Variants in SLC43A3 observed in about 807,000 individuals in gnomAD.
The protein encoded by SLC43A3 is equilibrative nucleobase transporter 1.
In SLC43A3, 33 loss-of-function variants were observed where a neutral mutation model predicts 53.3. The observed-to-expected ratio is 0.62, with a 90% CI of 0.47 to 0.83. The LOEUF is 0.83. Ranked by LOEUF, SLC43A3 falls within the 40% of genes least tolerant of loss-of-function variation. The probability of loss-of-function intolerance (pLI) is 0.00; values close to 1 mark genes in which losing one functional copy is unlikely to be tolerated. For synonymous variants in SLC43A3, 236 were observed against 246.2 expected (o/e 0.96, Z 0.39); for missense variants, 530 against 610.0 (o/e 0.87, Z 1.38).
Position 57,427,055 on chromosome 11 carries a change from G to T in SLC43A3, c.-246+7C>A, listed in dbSNP as rs982403539. ...CATGGCGCCCGAAAGGGGACCCTTC[G>T]CCCTACCCGCCTGCTCCGCGCCGGG... is the stretch of plus-strand genomic sequence containing the variant. On this transcript the variant is annotated splice_region_variant and intron_variant, in intron 1 of 13. Coordinates refer to ENST00000395124, the MANE Select transcript of SLC43A3 (RefSeq NM_199329.3). 1 of 152,310 alleles carries T rather than the reference G, an allele frequency of 6.6e-6. No individual in the cohort carries two copies. The highest frequency in any genetic ancestry group is 6.5e-5 in the Admixed American group (1 of 15,282). 9.4% of individuals were successfully genotyped at this position (152,310 alleles called of 1,614,324 possible).
chr11:57,414,735 C>T lies in SLC43A3; in HGVS notation c.944-4G>A, dbSNP rs755551154. 2 of 1,610,926 alleles carry T rather than the reference C, an allele frequency of 1.2e-6. No homozygotes were observed. Among genetic ancestry groups the T allele is most frequent in the Non-Finnish European group, 1.7e-6 (2 of 1,177,160 alleles). ...AAGGCATTTGTGTAGGTGCTGACTGCAGAAGGAAGAGAGAGGTTGGTTGAT... is the reference window on the plus strand; with the variant it reads ...AAGGCATTTGTGTAGGTGCTGACTGTAGAAGGAAGAGAGAGGTTGGTTGAT... On this transcript the variant is annotated splice_region_variant and splice_polypyrimidine_tract_variant and intron_variant, in intron 10 of 13. Transcript: ENST00000395124.
In SLC43A3 at chr11:57,416,680, C is replaced by G. The variant is rs1245285963; in HGVS notation, c.672-10G>C. The G allele has an allele frequency of 4.3e-6, 7 of 1,610,608 alleles. No homozygotes were observed. In the South Asian group the frequency reaches 7.7e-5, roughly 18 times the overall value. On this transcript the variant is annotated splice_polypyrimidine_tract_variant and intron_variant, in intron 8 of 13. Transcript: ENST00000395124. The stretch of plus-strand genomic sequence containing the variant: ...ATTCCCAGGGCACAGGCTATGGAAA[C>G]AAAAGCCCCACCAGCAAGGCCAAGG...
chr11:57,412,513 G>A lies in SLC43A3; in HGVS notation c.1060+2102C>T, dbSNP rs933430159. Among the ~76,000 whole-genome samples the A allele has an allele frequency of 9.2e-5, 14 of 152,278 alleles. No homozygotes were observed. The South Asian group carries it at 2.7e-3, about 29-fold the overall frequency. On this transcript the variant is annotated intron_variant, in intron 11 of 13. Transcript: ENST00000395124. ...AGAATTCTAGTGATTAAAAGTAGAA[G>A]ATAGAAATAGAAAATCATCCTTTTG...
Position 57,407,665 on chromosome 11 carries a change from T to TTGGGTG in SLC43A3, c.*126_*127insCACCCA. 1.8e-6 allele frequency: 1 copy of TTGGGTG among 565,596 alleles called. No homozygotes were observed. Among genetic ancestry groups the TTGGGTG allele is most frequent in the Non-Finnish European group, 3.2e-6 (1 of 310,630 alleles). 35.0% of individuals were successfully genotyped at this position (565,596 alleles called of 1,614,324 possible). On this transcript the variant is annotated 3_prime_UTR_variant, in exon 14 of 14. Transcript: ENST00000395124. ...GCAGACGTCCTTGTGTGTCTTTATT[T>TTGGGTG]TGTGTGTGTGTGTGTGTGTGTGTGT...
chr11:57,409,435 G>T, intron 12 of SLC43A3, 137 bp from the exon 13 acceptor site: 1 of 957,158 alleles, frequency 1.0e-6, no homozygotes, highest in Non-Finnish European at 1.5e-6. Flanking sequence ...CACCTGTCTG[G>T]CCTTTCCCTC....
intron 4 of SLC43A3, among the ~76,000 whole-genome samples, chr11:57,425,226 T>C (rs1943159251): frequency 6.6e-6 from 1 of 152,154 alleles, no homozygotes; most frequent in South Asian, 2.1e-4. Context: ...GCTAATTTTG[T>C]AACCCTGGCT....
rs1472631998 is a variant in SLC43A3, at chr11:57,409,315, G to A, written c.1248-17C>T. On this transcript the variant is annotated splice_polypyrimidine_tract_variant and intron_variant, in intron 12 of 13. Coordinates refer to ENST00000395124, the MANE Select transcript of SLC43A3 (RefSeq NM_199329.3). ...GAAGGGAAACTGGGGAGAGAAACCAGAGGGGTTCCAGTGAGCTTCAGGGAC... is the reference window on the plus strand; with the variant it reads ...GAAGGGAAACTGGGGAGAGAAACCAAAGGGGTTCCAGTGAGCTTCAGGGAC... 6.2e-7 allele frequency: 1 copy of A among 1,613,912 alleles called. No homozygotes were observed. Among genetic ancestry groups the A allele is most frequent in the East Asian group, 2.2e-5 (1 of 44,886 alleles).
intron 9 of SLC43A3, chr11:57,415,511 T>C (rs1942679152): frequency 1.4e-6 from 1 of 723,848 alleles, no homozygotes; most frequent in East Asian, 6.5e-5. Flanking sequence ...TCCCTTTCTT[T>C]TGATACCAGT....
intron 9 of SLC43A3, 42 bp from the exon 10 acceptor site, chr11:57,415,148 G>C (rs1356659374): frequency 6.3e-7 from 1 of 1,588,034 alleles, no homozygotes; most frequent in African/African-American, 1.3e-5. Flanking sequence ...TACGAGGAAA[G>C]TGGACAGGTA....
chr11:57,411,059 T>C (rs1259678717), intron 11 of SLC43A3, among the ~76,000 whole-genome samples: 1 of 152,030 alleles, frequency 6.6e-6, no homozygotes, highest in East Asian at 1.9e-4. Flanking sequence ...AACAGACTAA[T>C]ACATGTATAT....
intron 7 of SLC43A3, among the ~76,000 whole-genome samples, chr11:57,420,530 C>T (rs1942937360): frequency 6.6e-6 from 1 of 152,202 alleles, no homozygotes; most frequent in Non-Finnish European, 1.5e-5. Flanking sequence ...GATACCCCAA[C>T]ATCAGCCACT....
chr11:57,421,176 A>G lies in SLC43A3; in HGVS notation c.439-112T>C. 2.5e-6 allele frequency: 3 copies of G among 1,206,150 alleles called. No individual in the cohort carries two copies. The South Asian group carries it at 3.9e-5, about 15-fold the overall frequency. 74.7% of individuals were successfully genotyped at this position (1,206,150 alleles called of 1,614,324 possible). A position where few individuals can be genotyped will look rare whatever the true frequency, so the allele number is the denominator to read the frequency against. ...ATACCCAAACTCACCCTCCACCGCTAGAGCTCCCACCTCAGCTTGGGCCAA... is the reference window on the plus strand; with the variant it reads ...ATACCCAAACTCACCCTCCACCGCTGGAGCTCCCACCTCAGCTTGGGCCAA... On this transcript the variant is annotated intron_variant, in intron 6 of 13. Coordinates refer to ENST00000395124, the MANE Select transcript of SLC43A3 (RefSeq NM_199329.3).
intron 11 of SLC43A3, among the ~76,000 whole-genome samples, chr11:57,411,948 GAATA>G (rs1284531337): frequency 6.6e-6 from 1 of 151,892 alleles, no homozygotes; most frequent in Non-Finnish European, 1.5e-5. Flanking sequence ...ATAAAAATTT[GAATA>G]AAAATATCAG....
rs62640924 is a variant in SLC43A3 at position 57,426,014 on chromosome 11, C to T, written c.159G>A (p.Pro53=). 2.4e-4 allele frequency: 380 copies of T among 1,614,186 alleles called. 2 individuals carry two copies. The African/African-American group carries it at 4.5e-3, about 19-fold the overall frequency. The change falls in exon 3 of 14, where the codon CCG becomes CCA. Residue 53 remains proline, a synonymous_variant. Transcript: ENST00000395124. ...FKDLCGPDAG[P]IGNATGQADC... Reference sequence around the variant, plus strand: ...CAGCCTGCCCTGTGGCATTGCCAATCGGCCCAGCATCTGGTCCACACAGAT... The same window carrying T: ...CAGCCTGCCCTGTGGCATTGCCAATTGGCCCAGCATCTGGTCCACACAGAT...
At chr11:57,412,497 G>C (rs1942519315) in intron 11 of SLC43A3, among the ~76,000 whole-genome samples, 1 of 152,170 alleles carries the variant, frequency 6.6e-6, no homozygotes, top group South Asian at 2.1e-4. Flanking sequence ...AAGAATTCTA[G>C]TGATTAAAAG....
intron 7 of SLC43A3, 29 bp from the exon 8 acceptor site, chr11:57,417,916 T>C (rs1267645740): frequency 1.9e-6 from 3 of 1,610,146 alleles, no homozygotes; most frequent in Non-Finnish European, 1.7e-6. Context: ...AAAGTCAGTG[T>C]CACACCCACG....
intron 3 of SLC43A3, 111 bp from the exon 4 acceptor site, chr11:57,425,781 A>C: frequency 6.5e-7 from 1 of 1,527,984 alleles, no homozygotes; most frequent in Non-Finnish European, 8.8e-7. Context: ...TTGTCCCTTA[A>C]GCTGAGTTGA....
Position 57,426,133 on chromosome 11 carries a change from G to C in SLC43A3, c.40C>G (p.Leu14Val). The change falls in exon 3 of 14, where the codon CTG (leucine) becomes GTG (valine). Residue 14 changes from leucine (L) to valine (V), a missense_variant. Leu to Val is a conservative substitution (Grantham distance 32, BLOSUM62 1). This residue lies in a region of SLC43A3 where 30 missense variants were observed against 57.0 expected (regional missense o/e 0.53). Coordinates refer to ENST00000395124, the MANE Select transcript of SLC43A3 (RefSeq NM_199329.3). ...CCCAGGCATTCCAGCAGCCCAGTCA[G>C]CAGTGTGGCCACGTGCAGGGGCAGG... ...QGLPLHVATL[L>V]TGLLECLGFA... The C allele has an allele frequency of 6.2e-7, 1 of 1,614,254 alleles. No individual in the cohort carries two copies. Among genetic ancestry groups the C allele is most frequent in the South Asian group, 1.1e-5 (1 of 91,088 alleles).
rs778161972 is a variant in SLC43A3 at position 57,417,793 on chromosome 11, G to A, written c.626C>T (p.Pro209Leu). The A allele has an allele frequency of 1.2e-6, 2 of 1,614,170 alleles. No homozygotes were observed. Among genetic ancestry groups the A allele is most frequent in the East Asian group, 2.2e-5 (1 of 44,872 alleles). Residue 209 changes from proline to leucine, a missense_variant, in exon 8 of 14, where the codon CCC (proline) becomes CTC (leucine). Physicochemically the swap from Pro to Leu is moderately conservative, Grantham distance 98. Coordinates refer to ENST00000395124, the MANE Select transcript of SLC43A3 (RefSeq NM_199329.3). ...WHVARTFLLM[P>L]RGHIPYPLPP... is the part of the protein sequence containing the mutation. The stretch of plus-strand genomic sequence containing the variant: ...CAGTGGGTATGGGATGTGCCCCCGG[G>A]GCATCAGGAGGAAAGTGCGTGCTAC...
Sources: gnomAD v4.1 joint callset for allele counts (sites outside exome capture counted in the v4.1 genomes callset) on GRCh38, gnomAD v4.1.1 for gene constraint, gnomAD v4.1.1 regional missense constraint, MANE v1.5 for transcripts, NCBI Gene and HGNC (gene_info 2026-07-23, HGNC 2026-07-21) for gene names.